Variants in ZNF519 observed in about 807,000 individuals in gnomAD.
ZNF519 encodes the protein similar to Zinc finger protein 85 (Zinc finger protein HPF4) (HTF1).
A neutral mutation model predicts 7.4 loss-of-function variants in ZNF519; 7 were observed. The ratio of observed to expected loss-of-function variants is 0.94; its 90% CI spans 0.54 to 1.77. The LOEUF (loss-of-function observed/expected upper bound fraction) is 1.77. Ranked by LOEUF, ZNF519 falls within the 40% of genes most tolerant of loss-of-function variation. The pLI is 0.00. For missense variants in ZNF519, 586 were observed against 623.1 expected (o/e 0.94, Z 0.63); for synonymous variants, 179 against 203.3 (o/e 0.88, Z 1.02).
At chr18:14,099,642 A>T (rs2046151110), downstream of ZNF519, among the ~76,000 whole-genome samples, 1 of 152,224 alleles carries the variant, frequency 6.6e-6, no homozygotes, top group Non-Finnish European at 1.5e-5. Context: ...CTAGGCCATG[A>T]TATTTTAACA....
At chr18:14,081,135 G>A (rs549389326) in intron 3 of ZNF519, among the ~76,000 whole-genome samples, 1 of 152,182 alleles carries the variant, frequency 6.6e-6, no homozygotes, top group Admixed American at 6.5e-5. Context: ...CATTTCAAAA[G>A]TCAACTGTAA....
intron 1 of ZNF519, among the ~76,000 whole-genome samples, chr18:14,129,203 A>C (rs557393644): frequency 6.6e-6 from 1 of 152,300 alleles, no homozygotes; most frequent in East Asian, 1.9e-4. Context: ...GTTGGTGAAA[A>C]AAACAGGTTC....
chr18:14,089,485 G>T (rs1308965930), intron 2 of ZNF519, among the ~76,000 whole-genome samples: 1 of 152,088 alleles, frequency 6.6e-6, no homozygotes, highest in African/African-American at 2.4e-5. Flanking sequence ...GGCTAAATGG[G>T]CATTTCTTGA....
At chr18:14,091,140 G>T (rs925178376) in intron 2 of ZNF519, 4 of 152,036 alleles carry the variant, frequency 2.6e-5, no homozygotes, top group African/African-American at 9.7e-5. Flanking sequence ...GGATAAAGTG[G>T]GAAGGCATGT....
At chr18:14,078,227 A>T (rs1285008288) in exon 4 of ZNF519, 3 of 152,218 alleles carry the variant, frequency 2.0e-5, no homozygotes, top group Non-Finnish European at 4.4e-5. Context: ...GTTTCCTAAC[A>T]GGCCATGGAC....
At chr18:14,110,787 A>G (rs912245383) in intron 2 of ZNF519, among the ~76,000 whole-genome samples, 1 of 152,212 alleles carries the variant, frequency 6.6e-6, no homozygotes, top group African/African-American at 2.4e-5. Flanking sequence ...AAGTGAAGTA[A>G]CTCAGAAATG....
downstream of ZNF519, chr18:14,073,954 T>C (rs930889924): frequency 3.3e-5 from 5 of 152,206 alleles, no homozygotes; most frequent in Admixed American, 3.3e-4. Flanking sequence ...TGAAAATACT[T>C]CTGGAGAGCT....
chr18:14,130,736 C>A (rs2046325294), intron 1 of ZNF519, among the ~76,000 whole-genome samples: 1 of 151,656 alleles, frequency 6.6e-6, no homozygotes, highest in Non-Finnish European at 1.5e-5. Flanking sequence ...TCTCCCTTCG[C>A]AAATATAAGA....
At chr18:14,124,210 C>CT in intron 2 of ZNF519, 140 bp downstream of exon 2, 1 of 680,540 alleles carries the variant, frequency 1.5e-6, no homozygotes, top group Non-Finnish European at 2.2e-6. Context: ...CTTTTTTACA[C>CT]TAGCAAACTC....
At chr18:14,118,974 C>T (rs771689534) in intron 2 of ZNF519, among the ~76,000 whole-genome samples, 1 of 152,132 alleles carries the variant, frequency 6.6e-6, no homozygotes, top group Non-Finnish European at 1.5e-5. Context: ...TATGGCTCAT[C>T]ATATGCAGAC....
intron 2 of ZNF519, among the ~76,000 whole-genome samples, chr18:14,118,749 T>G (rs1472241283): frequency 6.6e-6 from 1 of 152,068 alleles, no homozygotes; most frequent in Non-Finnish European, 1.5e-5. Flanking sequence ...GAAATAGTCC[T>G]CCTATCAAGA....
chr18:14,091,979 G>T (rs1160615415), intron 2 of ZNF519, among the ~76,000 whole-genome samples: 2 of 152,184 alleles, frequency 1.3e-5, no homozygotes, highest in African/African-American at 4.8e-5. Context: ...CCAAGGGTCA[G>T]ATGATGGAGG....
chr18:14,110,838 C>T (rs1449685476), intron 2 of ZNF519, among the ~76,000 whole-genome samples: 1 of 152,086 alleles, frequency 6.6e-6, no homozygotes, highest in Non-Finnish European at 1.5e-5. Context: ...GAGAGCTAAT[C>T]TACGAGGATG....
chr18:14,077,368 CT>C (rs2046051571), exon 5 of ZNF519: 1 of 152,306 alleles, frequency 6.6e-6, no homozygotes, highest in African/African-American at 2.4e-5. Flanking sequence ...CAGACTTTGC[CT>C]TCTGAACTAC....
intron 2 of ZNF519, chr18:14,123,308 A>G (rs1813363325): frequency 6.5e-6 from 1 of 154,326 alleles, no homozygotes; most frequent in African/African-American, 2.4e-5. Flanking sequence ...AAGAGAAATT[A>G]CAAATGATTC....
chr18:14,074,591 CA>C (rs1187441567), downstream of ZNF519: 3 of 152,672 alleles, frequency 2.0e-5, no homozygotes, highest in Non-Finnish European at 4.4e-5. Flanking sequence ...ATCTCTAGGG[CA>C]GGGGCAAAAT....
At chr18:14,079,569 C>A (rs1475665986) in intron 3 of ZNF519, among the ~76,000 whole-genome samples, 1 of 152,116 alleles carries the variant, frequency 6.6e-6, no homozygotes, top group Non-Finnish European at 1.5e-5. Flanking sequence ...ATAGACAAAT[C>A]AATGGGAAGA....
At chr18:14,125,297 T>C (rs970757563) in intron 1 of ZNF519, among the ~76,000 whole-genome samples, 5 of 152,206 alleles carry the variant, frequency 3.3e-5, no homozygotes, top group Non-Finnish European at 7.3e-5. Context: ...AAGTCTGCAG[T>C]TGAAAAACAT....
At chr18:14,093,451 A>T (rs2046122195) in intron 2 of ZNF519, among the ~76,000 whole-genome samples, 1 of 152,246 alleles carries the variant, frequency 6.6e-6, no homozygotes, top group South Asian at 2.1e-4. Flanking sequence ...CAGTTAATAC[A>T]TGTACATATA....
Sources: gnomAD v4.1 joint callset for allele counts (sites outside exome capture counted in the v4.1 genomes callset) on GRCh38, gnomAD v4.1.1 for gene constraint, MANE v1.5 for transcripts, NCBI Gene and HGNC (gene_info 2026-07-23, HGNC 2026-07-21) for gene names.